The following ANKFN1 variants were observed in gnomAD, a reference collection of about 807,000 sequenced individuals.
ANKFN1 encodes ankyrin repeat and fibronectin type-III domain-containing protein 1.
A neutral mutation model predicts 108.7 loss-of-function variants in ANKFN1; 74 were observed. That is an observed-to-expected ratio of 0.68 (90% CI 0.56 to 0.83). The LOEUF (loss-of-function observed/expected upper bound fraction) is 0.83. ANKFN1 is among the 40% of genes least tolerant of loss of function. The probability of loss-of-function intolerance (pLI) is 0.00; values close to 1 mark genes in which losing one functional copy is unlikely to be tolerated. For missense variants in ANKFN1, 1,505 were observed against 1,382.3 expected (o/e 1.09, Z -1.41); for synonymous variants, 547 against 516.2 (o/e 1.06, Z -0.81).
chr17:56,508,976 C>T (rs918539714), intron 20 of ANKFN1, among the ~76,000 whole-genome samples: 1 of 152,192 alleles, frequency 6.6e-6, no homozygotes, highest in Non-Finnish European at 1.5e-5. Context: ...AATATCTCTG[C>T]CCCAACAGCT....
At chr17:56,482,703 G>A in intron 18 of ANKFN1, 179 bp downstream of exon 18, 1 of 595,068 alleles carries the variant, frequency 1.7e-6, no homozygotes, top group Non-Finnish European at 2.6e-6. Context: ...AAGACTATGT[G>A]CCTGAGCAAT....
chr17:56,422,463 ACACACACGCACGCATG>A (rs912541711), intron 8 of ANKFN1, among the ~76,000 whole-genome samples: 9 of 151,618 alleles, frequency 5.9e-5, no homozygotes, highest in Non-Finnish European at 1.5e-5. Context: ...ACACATGCAC[ACACACACGCACGCATG>A]CACACACGCA....
At chr17:56,482,757 C>A in intron 18 of ANKFN1, 1 of 394,570 alleles carries the variant, frequency 2.5e-6, no homozygotes, top group Non-Finnish European at 4.4e-6. Flanking sequence ...AGAAGGAATT[C>A]TAAACAGAAA....
chr17:56,153,680 T>TAAA lies in ANKFN1; in HGVS notation c.-71+150_-71+151insAAA. On this transcript the variant is annotated intron_variant, in intron 1 of 20. Coordinates refer to ENST00000682825, the MANE Select transcript of ANKFN1 (RefSeq NM_001370326.1). ...TGGTCAGGCAGAGGGAAAGCTGGTTTCATTTCTGTAAACAGGCAAATGTTG... is the reference window on the plus strand; with the variant it reads ...TGGTCAGGCAGAGGGAAAGCTGGTTTAAACATTTCTGTAAACAGGCAAATGTTG... 3.7e-6 allele frequency: 4 copies of TAAA among 1,073,080 alleles called. No homozygotes were observed. The South Asian group carries it at 5.6e-5, about 15-fold the overall frequency. The allele number at this position is 1,073,080 out of a possible 1,614,324, so 66.5% of individuals were successfully genotyped here.
intron 1 of ANKFN1, chr17:56,174,350 A>G (rs1910936798): frequency 1.0e-6 from 1 of 985,530 alleles, no homozygotes; most frequent in African/African-American, 1.7e-5. Flanking sequence ...CCAAGTGTGC[A>G]AAGCAGCCAC....
intron 19 of ANKFN1, among the ~76,000 whole-genome samples, chr17:56,493,447 G>A (rs935545251): frequency 2.6e-5 from 4 of 152,164 alleles, no homozygotes; most frequent in Admixed American, 6.6e-5. Flanking sequence ...AGATGAGGCA[G>A]ACAGAGCAGA....
intron 1 of ANKFN1, among the ~76,000 whole-genome samples, chr17:56,204,039 AAATT>A (rs1451060261): frequency 1.5e-4 from 23 of 151,750 alleles, no homozygotes; most frequent in South Asian, 1.0e-3. Context: ...TGTTTATATT[AAATT>A]AATTAATTAA....
chr17:56,463,159 G>T (rs1238714584), intron 14 of ANKFN1, among the ~76,000 whole-genome samples: 2 of 152,224 alleles, frequency 1.3e-5, no homozygotes, highest in African/African-American at 4.8e-5. Context: ...CAGGCACTGT[G>T]TTGAGTGCTT....
chr17:56,127,457 G>T (rs2143327090), intron 4 of ANKFN1, among the ~76,000 whole-genome samples: 1 of 152,234 alleles, frequency 6.6e-6, no homozygotes, highest in Non-Finnish European at 1.5e-5. Context: ...GGGATTACAG[G>T]CATGTACCAC....
chr17:56,433,740 G>A (rs1049419484), intron 8 of ANKFN1, among the ~76,000 whole-genome samples: 1 of 152,006 alleles, frequency 6.6e-6, no homozygotes, highest in African/African-American at 2.4e-5. Flanking sequence ...ATACTGCCCG[G>A]GTGATGGGTG....
At chr17:56,327,894 C>T (rs1161669013) in intron 4 of ANKFN1, among the ~76,000 whole-genome samples, 2 of 152,028 alleles carry the variant, frequency 1.3e-5, no homozygotes, top group East Asian at 1.9e-4. Context: ...ATCCAGAGGT[C>T]GTTCATCAGA....
intron 8 of ANKFN1, among the ~76,000 whole-genome samples, chr17:56,393,054 AT>A (rs2047485131): frequency 6.6e-6 from 1 of 152,078 alleles, no homozygotes; most frequent in Non-Finnish European, 1.5e-5. Context: ...GCTATAAAAT[AT>A]CCCCTGTTCC....
chr17:56,219,696 C>T (rs1157751445), intron 2 of ANKFN1, among the ~76,000 whole-genome samples: 1 of 152,148 alleles, frequency 6.6e-6, no homozygotes, highest in Non-Finnish European at 1.5e-5. Context: ...GCTTCTTAAT[C>T]TGGGATTGGC....
chr17:56,204,167 C>T (rs1168686485), intron 1 of ANKFN1, among the ~76,000 whole-genome samples: 1 of 152,160 alleles, frequency 6.6e-6, no homozygotes, highest in African/African-American at 2.4e-5. Flanking sequence ...CTGCCTCAGC[C>T]TCCTGAGTAG....
In ANKFN1 at chr17:56,350,943, G is replaced by A. The variant is rs1478840172; in HGVS notation, c.366G>A (p.Arg122=). ...DEAYFRTRTD[R]LSLRKTSVNF... Reference sequence around the variant, plus strand: ...CCTATTTTAGGACAAGAACTGATCGGCTGAGTCTCAGGAAGACCTCGGTGG... The same window carrying A: ...CCTATTTTAGGACAAGAACTGATCGACTGAGTCTCAGGAAGACCTCGGTGG... Residue 122 remains arginine (R), a synonymous_variant, in exon 5 of 21, where the codon CGG becomes CGA. Coordinates refer to ENST00000682825, the MANE Select transcript of ANKFN1 (RefSeq NM_001370326.1). 1.9e-6 allele frequency: 3 copies of A among 1,613,444 alleles called. No individual in the cohort carries two copies. Among genetic ancestry groups the A allele is most frequent in the African/African-American group, 2.7e-5 (2 of 74,870 alleles).
At chr17:56,228,409 AC>A (rs1276488285) in intron 3 of ANKFN1, 6 of 157,184 alleles carry the variant, frequency 3.8e-5, no homozygotes, top group African/African-American at 1.4e-4. Context: ...CACTCTGTAA[AC>A]CCGTATTCTC....
intron 3 of ANKFN1, among the ~76,000 whole-genome samples, chr17:56,261,400 T>C (rs1337653470): frequency 6.6e-6 from 1 of 152,162 alleles, no homozygotes; most frequent in African/African-American, 2.4e-5. Flanking sequence ...TTTCTGACAT[T>C]GTATTAGGGT....
At chr17:56,470,499 A>T (rs1205348253) in intron 15 of ANKFN1, among the ~76,000 whole-genome samples, 1 of 152,030 alleles carries the variant, frequency 6.6e-6, no homozygotes, top group East Asian at 1.9e-4. Flanking sequence ...GTCTCAGAAA[A>T]TTTTAAGCAA....
At chr17:56,428,309 C>T (rs1221766882) in intron 8 of ANKFN1, among the ~76,000 whole-genome samples, 1 of 151,806 alleles carries the variant, frequency 6.6e-6, no homozygotes, top group African/African-American at 2.4e-5. Flanking sequence ...AGATGGTCTC[C>T]CAGCATCCTC....
Sources: gnomAD v4.1 joint callset for allele counts (sites outside exome capture counted in the v4.1 genomes callset) on GRCh38, gnomAD v4.1.1 for gene constraint, MANE v1.5 for transcripts, NCBI Gene and HGNC (gene_info 2026-07-23, HGNC 2026-07-21) for gene names.